Variants in NRCAM observed in about 807,000 individuals in gnomAD.
NRCAM encodes the protein neuronal cell adhesion molecule.
Under a neutral mutation model 156.5 loss-of-function variants are expected in NRCAM, and 83 were observed. The observed-to-expected ratio is 0.53, with a 90% CI of 0.44 to 0.64. The LOEUF is 0.64. Among genes scored for constraint, NRCAM ranks in the 30% least tolerant of loss-of-function variants. The pLI, the probability that NRCAM is intolerant of heterozygous loss-of-function variation, is 0.00. For missense variants in NRCAM, 1,417 were observed against 1,597.3 expected (o/e 0.89, Z 1.92); for synonymous variants, 538 against 563.9 (o/e 0.95, Z 0.65).
intron 9 of NRCAM, 129 bp downstream of exon 9, chr7:108,226,079 G>A (rs373565443): frequency 1.5e-6 from 1 of 651,280 alleles, no homozygotes; most frequent in Non-Finnish European, 2.7e-6. Flanking sequence ...ACACTTTAGT[G>A]AGCATTCATG....
intron 2 of NRCAM, among the ~76,000 whole-genome samples, chr7:108,387,001 T>A (rs2099742764): frequency 6.6e-6 from 1 of 152,156 alleles, no homozygotes; most frequent in African/African-American, 2.4e-5. Context: ...TCCCTTGATA[T>A]AAATCTAACT....
chr7:108,387,913 A>G (rs2099746416), intron 2 of NRCAM, among the ~76,000 whole-genome samples: 1 of 152,146 alleles, frequency 6.6e-6, no homozygotes, highest in African/African-American at 2.4e-5. Flanking sequence ...GCTGCATAGT[A>G]TTCCATGGTG....
At chr7:108,394,945 A>T (rs964530378) in intron 2 of NRCAM, among the ~76,000 whole-genome samples, 4 of 152,238 alleles carry the variant, frequency 2.6e-5, no homozygotes, top group Non-Finnish European at 5.9e-5. Flanking sequence ...TAAAATAAGA[A>T]CAATAAACAT....
chr7:108,353,495 T>G (rs1451222343), intron 2 of NRCAM, among the ~76,000 whole-genome samples: 3 of 152,130 alleles, frequency 2.0e-5, no homozygotes, highest in Non-Finnish European at 4.4e-5. Context: ...AATTTTAAAT[T>G]TTTTTTAGAG....
chr7:108,222,323 G>T (rs1230013434), intron 11 of NRCAM, among the ~76,000 whole-genome samples: 2 of 152,240 alleles, frequency 1.3e-5, no homozygotes, highest in African/African-American at 2.4e-5. Flanking sequence ...TGGTTGGTAA[G>T]TGATAGAGTC....
At chr7:108,269,840 G>A (rs2097273871) in intron 3 of NRCAM, among the ~76,000 whole-genome samples, 1 of 152,168 alleles carries the variant, frequency 6.6e-6, no homozygotes, top group South Asian at 2.1e-4. Flanking sequence ...ACAGGACCTA[G>A]CTTTTATCAC....
At chr7:108,385,812 A>G (rs765499548) in intron 2 of NRCAM, among the ~76,000 whole-genome samples, 1 of 151,770 alleles carries the variant, frequency 6.6e-6, no homozygotes, top group East Asian at 1.9e-4. Context: ...AGGCATGAGA[A>G]TAAGTAAGTA....
intron 3 of NRCAM, among the ~76,000 whole-genome samples, chr7:108,273,717 C>A (rs1283623585): frequency 1.3e-5 from 2 of 152,122 alleles, no homozygotes; most frequent in Admixed American, 1.3e-4. Context: ...ATGATAGTTT[C>A]TTTTGCTGTG....
At chr7:108,195,558 G>A (rs1409058234) in intron 15 of NRCAM, among the ~76,000 whole-genome samples, 3 of 152,078 alleles carry the variant, frequency 2.0e-5, no homozygotes, top group Admixed American at 2.0e-4. Context: ...AGAGGCTGCA[G>A]TGAGCTGTGA....
chr7:108,314,380 C>T lies in NRCAM; in HGVS notation c.-173-1649G>A, dbSNP rs2098851333. Among the ~76,000 whole-genome samples, 3 of 152,158 alleles carry T rather than the reference C, an allele frequency of 2.0e-5. No homozygotes were observed. The South Asian group carries it at 6.2e-4, about 32-fold the overall frequency. On this transcript the variant is annotated intron_variant, in intron 2 of 32. Transcript: ENST00000379028. ...TAGGGTAATACATCATTGCTAAGGA[C>T]TATTTTTCCAATAACCAAGTAACAA...
chr7:108,350,749 TC>T (rs1307065042), intron 2 of NRCAM, among the ~76,000 whole-genome samples: 5 of 152,228 alleles, frequency 3.3e-5, no homozygotes, highest in African/African-American at 1.2e-4. Context: ...TTCTTTTTTT[TC>T]TTCTTCTTTC....
intron 1 of NRCAM, among the ~76,000 whole-genome samples, chr7:108,415,599 A>C (rs953183141): frequency 6.6e-6 from 1 of 152,186 alleles, no homozygotes; most frequent in Admixed American, 6.5e-5. Context: ...AAGGAGAAGA[A>C]GGCCGGGCGC....
intron 2 of NRCAM, among the ~76,000 whole-genome samples, chr7:108,383,279 T>C (rs1476180591): frequency 1.3e-5 from 2 of 152,202 alleles, no homozygotes; most frequent in Non-Finnish European, 2.9e-5. Context: ...TCACTTCAGA[T>C]TTCATTTAAA....
intron 15 of NRCAM, among the ~76,000 whole-genome samples, chr7:108,195,441 T>C (rs1435115790): frequency 2.0e-5 from 2 of 97,832 alleles, no homozygotes; most frequent in East Asian, 4.0e-4. Context: ...CTGGCCAACA[T>C]GGTGAAACCC....
chr7:108,159,238 A>G (rs62469173), intron 32 of NRCAM: 48,405 of 694,390 alleles, frequency 0.07, 2,037 homozygotes, highest in African/African-American at 0.13. Flanking sequence ...AGTGGGAGAC[A>G]TTCCATCTCC....
intron 13 of NRCAM, 57 bp downstream of exon 13, chr7:108,207,471 G>A (rs1052672069): frequency 1.3e-5 from 20 of 1,540,444 alleles, no homozygotes; most frequent in Admixed American, 7.3e-5. Context: ...ATTCACTGTC[G>A]GGATGTATAT....
chr7:108,380,631 G>A (rs960602596), intron 2 of NRCAM, among the ~76,000 whole-genome samples: 5 of 152,140 alleles, frequency 3.3e-5, no homozygotes, highest in African/African-American at 1.2e-4. Context: ...TGTTGTTGAT[G>A]TAGCTACTGC....
At chr7:108,368,224 A>ACCCTCCCCCCCCCCCCCCCCCCC (rs2099604376) in intron 2 of NRCAM, among the ~76,000 whole-genome samples, 1 of 91,058 alleles carries the variant, frequency 1.1e-5, no homozygotes, top group Non-Finnish European at 2.2e-5. Flanking sequence ...ACACTTTCAT[A>ACCCTCCCCCCCCCCCCCCCCCCC]CCCCCCCCCA....
At chr7:108,293,950 A>G (rs1373676419) in intron 3 of NRCAM, among the ~76,000 whole-genome samples, 1 of 152,084 alleles carries the variant, frequency 6.6e-6, no homozygotes, top group Non-Finnish European at 1.5e-5. Flanking sequence ...CTGTTCCTCT[A>G]TACCTTATAC....
Sources: allele counts gnomAD v4.1 joint callset (sites outside exome capture counted in the v4.1 genomes callset), GRCh38; gene constraint gnomAD v4.1.1; transcripts MANE v1.5; gene names NCBI Gene and HGNC (gene_info 2026-07-23, HGNC 2026-07-21).